Variants in CACNG2 observed in about 807,000 individuals in gnomAD.
CACNG2 encodes the protein calcium voltage-gated channel auxiliary subunit gamma 2.
A neutral mutation model predicts 25.9 loss-of-function variants in CACNG2; 3 were observed. That is an observed-to-expected ratio of 0.12 (90% confidence interval 0.05 to 0.30). The LOEUF (loss-of-function observed/expected upper bound fraction) is 0.30. Ranked by LOEUF, CACNG2 falls within the 10% of genes least tolerant of loss-of-function variation. CACNG2 has a pLI of 1.00. For synonymous variants in CACNG2, 167 were observed against 173.3 expected (o/e 0.96, Z 0.29); for missense variants, 341 against 432.5 (o/e 0.79, Z 1.88).
intron 1 of CACNG2, among the ~76,000 whole-genome samples, chr22:36,682,828 A>G (rs1937142980): frequency 1.3e-5 from 2 of 152,228 alleles, no homozygotes; most frequent in Non-Finnish European, 2.9e-5. Flanking sequence ...TGACAATATT[A>G]ATAATGGTGA....
At chr22:36,654,967 G>C (rs1936681921) in intron 1 of CACNG2, among the ~76,000 whole-genome samples, 1 of 152,030 alleles carries the variant, frequency 6.6e-6, no homozygotes, top group African/African-American at 2.4e-5. Flanking sequence ...TAAAAAAAAG[G>C]GAAAAGATGA....
intron 1 of CACNG2, among the ~76,000 whole-genome samples, chr22:36,607,743 G>T (rs1935866514): frequency 6.6e-6 from 1 of 152,144 alleles, no homozygotes; most frequent in South Asian, 2.1e-4. Flanking sequence ...AAATCTCAAA[G>T]ATTTCCATTG....
rs951403162 is a variant in CACNG2, at chr22:36,598,673, A to G, written c.212-11125T>C. Among the ~76,000 whole-genome samples, 6 of 149,276 alleles carry G rather than the reference A, an allele frequency of 4.0e-5. No individual in the cohort carries two copies. In the East Asian group the frequency reaches 1.0e-3, roughly 25 times the overall value. On this transcript the variant is annotated intron_variant, in intron 1 of 3. Coordinates refer to ENST00000300105, the MANE Select transcript of CACNG2 (RefSeq NM_006078.5). ...AAAAATACAAACAAACGAACAAACA[A>G]AAGACACCTATTTGACTATATCTGG... is the stretch of plus-strand genomic sequence containing the variant.
At chr22:36,698,868 A>G (rs1457281514) in intron 1 of CACNG2, among the ~76,000 whole-genome samples, 1 of 152,172 alleles carries the variant, frequency 6.6e-6, no homozygotes, top group East Asian at 1.9e-4. Flanking sequence ...TGGGGGAGCC[A>G]TGGAGCCAAG....
At chr22:36,640,646 C>G (rs1936430518) in intron 1 of CACNG2, among the ~76,000 whole-genome samples, 1 of 152,222 alleles carries the variant, frequency 6.6e-6, no homozygotes, top group Non-Finnish European at 1.5e-5. Context: ...TCAGCATCAC[C>G]TTCCCTCACT....
intron 1 of CACNG2, among the ~76,000 whole-genome samples, chr22:36,595,610 G>A (rs1437971470): frequency 6.6e-6 from 1 of 152,200 alleles, no homozygotes; most frequent in Non-Finnish European, 1.5e-5. Context: ...GTGGGTGAGG[G>A]TGAGGGTGAG....
rs748829000 is a variant in CACNG2, at chr22:36,564,817, G to C, written c.506C>G (p.Ser169Cys). ...GCCGTATGAGTAACTATTCTTTTTG[G>C]AGTCGCTCTTGGAGGGGTCTCCGGC... ...ANAGDPSKSD[S>C]KKNSYSYGWS... is the part of the protein sequence containing the mutation. The change falls in exon 4 of 4, where the codon TCC becomes TGC. Residue 169 changes from serine to cysteine, a missense_variant. By Grantham distance (112) the Ser-to-Cys change is moderately radical. Transcript: ENST00000300105. This position sits in a 1 kb window ranked among gnomAD's most constrained non-coding sequence, Gnocchi z 6.7. 6.2e-7 allele frequency: 1 copy of C among 1,614,202 alleles called. No homozygotes were observed. Among genetic ancestry groups the C allele is most frequent in the Non-Finnish European group, 8.5e-7 (1 of 1,180,032 alleles).
intron 1 of CACNG2, among the ~76,000 whole-genome samples, chr22:36,613,602 G>T (rs1935978090): frequency 6.6e-6 from 1 of 151,918 alleles, no homozygotes; most frequent in African/African-American, 2.4e-5. Context: ...CTCTCTCTTT[G>T]GCTGTCTTCT....
At chr22:36,698,779 A>G (rs1241454220) in intron 1 of CACNG2, among the ~76,000 whole-genome samples, 1 of 152,148 alleles carries the variant, frequency 6.6e-6, no homozygotes, top group African/African-American at 2.4e-5. Flanking sequence ...AGAGGGGGAG[A>G]GAAAACACGG....
At chr22:36,656,507 G>A (rs1227214124) in intron 1 of CACNG2, among the ~76,000 whole-genome samples, 1 of 152,114 alleles carries the variant, frequency 6.6e-6, no homozygotes, top group East Asian at 1.9e-4. Flanking sequence ...TCTTACACCT[G>A]GATGGCTGTA....
intron 2 of CACNG2, among the ~76,000 whole-genome samples, chr22:36,583,272 A>T (rs1051173822): frequency 6.6e-6 from 1 of 152,066 alleles, no homozygotes; most frequent in African/African-American, 2.4e-5. Flanking sequence ...GTCTCTACTA[A>T]AAATACAAAA....
chr22:36,662,813 A>AT (rs1483107343), intron 1 of CACNG2, among the ~76,000 whole-genome samples: 2 of 151,808 alleles, frequency 1.3e-5, no homozygotes, highest in Non-Finnish European at 2.9e-5. Context: ...CGTAGATGTT[A>AT]TTTTTTTCTG....
At chr22:36,673,426 C>A (rs1439290385) in intron 1 of CACNG2, among the ~76,000 whole-genome samples, 2 of 152,120 alleles carry the variant, frequency 1.3e-5, no homozygotes, top group South Asian at 2.1e-4. Flanking sequence ...TATCAGTAAA[C>A]CTTTGTGGAT....
chr22:36,566,558 G>T (rs930375028), intron 2 of CACNG2, 65 bp from the exon 3 acceptor site: 4 of 1,573,634 alleles, frequency 2.5e-6, no homozygotes, highest in African/African-American at 2.7e-5. Context: ...GCACACAGAG[G>T]CAGGTGGGAG....
chr22:36,662,939 A>C (rs926177252), intron 1 of CACNG2, among the ~76,000 whole-genome samples: 1 of 152,038 alleles, frequency 6.6e-6, no homozygotes, highest in Non-Finnish European at 1.5e-5. Context: ...TGGCGTAGTT[A>C]TCTCTGTATC....
chr22:36,672,396 C>T (rs1229979177), intron 1 of CACNG2, among the ~76,000 whole-genome samples: 4 of 152,130 alleles, frequency 2.6e-5, no homozygotes, highest in Non-Finnish European at 4.4e-5. Context: ...GAACTCAAGC[C>T]GTCCTCCTGC....
intron 2 of CACNG2, among the ~76,000 whole-genome samples, chr22:36,583,178 T>TAA (rs10623332): frequency 0.67 from 101,302 of 151,584 alleles, 34,099 homozygotes; most frequent in Admixed American, 0.71. Flanking sequence ...CTCACACCTA[T>TAA]TCGCAGCACT....
chr22:36,564,143 A>G lies in CACNG2; in HGVS notation c.*208T>C. 2.2e-6 allele frequency: 1 copy of G among 452,902 alleles called. No homozygotes were observed. Among genetic ancestry groups the G allele is most frequent in the Non-Finnish European group, 3.8e-6 (1 of 261,722 alleles). 28.1% of individuals were successfully genotyped at this position (452,902 alleles called of 1,614,324 possible). On this transcript the variant is annotated 3_prime_UTR_variant, in exon 4 of 4. Coordinates refer to ENST00000300105, the MANE Select transcript of CACNG2 (RefSeq NM_006078.5). The surrounding 1 kb of genome is among the most constrained non-coding windows in gnomAD (Gnocchi z 6.7). ...TGTTTTGCTTCTTTGTTCCTCTTAT[A>G]TTTTGTTCTTTTTTTTAAAATTTAC...
At chr22:36,643,928 C>T (rs186730776) in intron 1 of CACNG2, among the ~76,000 whole-genome samples, 12 of 152,240 alleles carry the variant, frequency 7.9e-5, no homozygotes, top group Admixed American at 3.3e-4. Flanking sequence ...AGGTTACATC[C>T]GGAAAATGGC....
Sources: gnomAD v4.1 joint callset for allele counts (sites outside exome capture counted in the v4.1 genomes callset) on GRCh38, gnomAD v4.1.1 for gene constraint, Gnocchi (gnomAD v3.1) non-coding constraint, MANE v1.5 for transcripts, NCBI Gene and HGNC (gene_info 2026-07-23, HGNC 2026-07-21) for gene names.